CFTR: variants seen among roughly 807,000 people sequenced by gnomAD.
CFTR encodes cystic fibrosis transmembrane conductance regulator.
CFTR carries 181 observed loss-of-function variants against 171.6 expected under a neutral mutation model. The ratio of observed to expected loss-of-function variants is 1.05; its 90% CI spans 0.93 to 1.19. CFTR has a LOEUF of 1.19. Among genes scored for constraint, CFTR ranks in the 50% most tolerant of loss-of-function variants. The pLI is 0.00. For missense variants in CFTR, 1,968 were observed against 1,734.7 expected, an observed-to-expected ratio of 1.13 and a Z score of -2.39; for synonymous variants, 583 against 608.0, an observed-to-expected ratio of 0.96 and a Z score of 0.60.
At chr7:117,581,013 A>G (rs1172317876) in intron 11 of CFTR, among the ~76,000 whole-genome samples, 1 of 152,184 alleles carries the variant, frequency 6.6e-6, no homozygotes, top group Non-Finnish European at 1.5e-5. Flanking sequence ...AAGGTAAAGA[A>G]CTTGTATATC....
chr7:117,645,736 C>G (rs1792988153), intron 23 of CFTR, among the ~76,000 whole-genome samples: 1 of 152,090 alleles, frequency 6.6e-6, no homozygotes, highest in Non-Finnish European at 1.5e-5. Flanking sequence ...GGATTTGGAG[C>G]CTTGTTTATA....
rs150011644 is a variant in CFTR, at chr7:117,524,212, G to A, written c.274-6687G>A. Among the ~76,000 whole-genome samples, 23 of 152,144 alleles carry A rather than the reference G, an allele frequency of 1.5e-4. No homozygotes were observed. In the East Asian group the frequency reaches 3.3e-3, roughly 22 times the overall value. On this transcript the variant is annotated intron_variant, in intron 3 of 26. Transcript: ENST00000003084. Reference sequence around the variant, plus strand: ...AGTGTTCACAGGTCATACCTTTCCCGTTACTGTCTTACAGTGAACAAGAAA... The same window carrying A: ...AGTGTTCACAGGTCATACCTTTCCCATTACTGTCTTACAGTGAACAAGAAA...
intron 25 of CFTR, among the ~76,000 whole-genome samples, 193 bp downstream of exon 25, chr7:117,665,053 A>AAG (rs140555484): frequency 7.2e-4 from 109 of 152,304 alleles, no homozygotes; most frequent in Non-Finnish European, 1.3e-3. Flanking sequence ...TTTTCTTCCG[A>AAG]AGATAGTTTT....
In CFTR at chr7:117,542,068, C is replaced by T. The variant is rs1239388236; in HGVS notation, c.1169C>T (p.Thr390Ile). The part of the protein sequence containing the change: ...YKTLEYNLTT[T>I]EVVMENVTAF... ...ACATTGGAATATAACTTAACGACTA[C>T]AGAAGTAGTGATGGAGAATGTAACA... Residue 390 changes from threonine to isoleucine, a missense_variant, in exon 9 of 27, where the codon ACA becomes ATA. Physicochemically the swap from Thr to Ile is moderately conservative, Grantham distance 89. Coordinates refer to ENST00000003084, the MANE Select transcript of CFTR (RefSeq NM_000492.4). 6.2e-7 allele frequency: 1 copy of T among 1,603,480 alleles called. No homozygotes were observed. The highest frequency in any genetic ancestry group is 1.1e-5 in the South Asian group (1 of 90,826).
chr7:117,644,602 CT>C (rs1792971208), intron 23 of CFTR, among the ~76,000 whole-genome samples: 1 of 152,110 alleles, frequency 6.6e-6, no homozygotes, highest in South Asian at 2.1e-4. Context: ...GAAACAGGAA[CT>C]TTGAACAAGA....
intron 21 of CFTR, among the ~76,000 whole-genome samples, chr7:117,616,519 A>C (rs192716202): frequency 8.5e-5 from 13 of 152,184 alleles, no homozygotes; most frequent in Admixed American, 2.6e-4. Context: ...TTGCTGTATT[A>C]ATTTTCTTGG....
intron 11 of CFTR, among the ~76,000 whole-genome samples, chr7:117,587,284 G>A (rs1328604268): frequency 6.6e-6 from 1 of 152,106 alleles, no homozygotes; most frequent in Non-Finnish European, 1.5e-5. Context: ...AGATCCTGCA[G>A]GGGTGTGAAT....
chr7:117,606,028 A>T (rs1792295727), intron 17 of CFTR, among the ~76,000 whole-genome samples: 1 of 152,212 alleles, frequency 6.6e-6, no homozygotes, highest in South Asian at 2.1e-4. Flanking sequence ...TTCAGTGCCT[A>T]GCATTGTGCC....
At chr7:117,578,853 TTC>T (rs1791811192) in intron 11 of CFTR, among the ~76,000 whole-genome samples, 1 of 152,074 alleles carries the variant, frequency 6.6e-6, no homozygotes, top group African/African-American at 2.4e-5. Flanking sequence ...ATATCTAAAT[TTC>T]TGTTAAAAAT....
chr7:117,653,625 G>A (rs550026637), intron 24 of CFTR, among the ~76,000 whole-genome samples: 2 of 151,916 alleles, frequency 1.3e-5, no homozygotes, highest in Non-Finnish European at 1.5e-5. Flanking sequence ...AGGAGGTGGC[G>A]GGGGGGACAC....
intron 4 of CFTR, among the ~76,000 whole-genome samples, chr7:117,532,719 G>A (rs1009868269): frequency 2.0e-5 from 3 of 152,066 alleles, no homozygotes; most frequent in Non-Finnish European, 4.4e-5. Flanking sequence ...AAAGTTAGGT[G>A]GTATTGTATC....
At chr7:117,496,868 C>G (rs561983893) in intron 1 of CFTR, among the ~76,000 whole-genome samples, 1 of 151,928 alleles carries the variant, frequency 6.6e-6, no homozygotes, top group South Asian at 2.1e-4. Context: ...TACAGCCATC[C>G]TACTGGGCAT....
intron 18 of CFTR, among the ~76,000 whole-genome samples, chr7:117,608,698 G>T (rs545720594): frequency 6.6e-6 from 1 of 151,906 alleles, no homozygotes; most frequent in African/African-American, 2.4e-5. Context: ...TAATCACAGG[G>T]GTCCTTCAAA....
At chr7:117,514,081 A>G (rs971555049) in intron 3 of CFTR, among the ~76,000 whole-genome samples, 1 of 152,242 alleles carries the variant, frequency 6.6e-6, no homozygotes, top group African/African-American at 2.4e-5. Flanking sequence ...GTAGACAGGC[A>G]TCAGCATGAT....
intron 3 of CFTR, among the ~76,000 whole-genome samples, chr7:117,512,355 C>T (rs35915869): frequency 0.037 from 5,648 of 151,986 alleles, 145 homozygotes; most frequent in African/African-American, 0.045. Flanking sequence ...AGTCCGGGCA[C>T]GGGGGCTCAC....
Position 117,606,772 on chromosome 7 carries a change from C to A in CFTR, c.2988+19C>A. 7.8e-7 allele frequency: 1 copy of A among 1,279,158 alleles called. No individual in the cohort carries two copies. The highest frequency in any genetic ancestry group is 1.1e-6 in the Non-Finnish European group (1 of 875,420). The allele number at this position is 1,279,158 out of a possible 1,614,324, so 79.2% of individuals were successfully genotyped here. ...CATCCAGGTATGTAAAAATAAGTACCGTTAAGTATGTCTGTATTATTAAAA... is the reference window on the plus strand; with the variant it reads ...CATCCAGGTATGTAAAAATAAGTACAGTTAAGTATGTCTGTATTATTAAAA... On this transcript the variant is annotated intron_variant, in intron 18 of 26. Transcript: ENST00000003084.
chr7:117,522,963 G>C (rs897477645), intron 3 of CFTR, among the ~76,000 whole-genome samples: 1 of 152,154 alleles, frequency 6.6e-6, no homozygotes. Flanking sequence ...GTCCTTGAAT[G>C]GTAACAGCTC....
intron 24 of CFTR, 120 bp from the exon 25 acceptor site, chr7:117,664,568 G>A (rs1793337194): frequency 5.7e-6 from 5 of 875,172 alleles, no homozygotes; most frequent in Admixed American, 1.8e-5. Flanking sequence ...GCAGGTAGTG[G>A]GGGTAGAGGG....
intron 21 of CFTR, among the ~76,000 whole-genome samples, chr7:117,619,613 T>C (rs933055293): frequency 9.2e-5 from 14 of 151,428 alleles, no homozygotes; most frequent in African/African-American, 3.4e-4. Flanking sequence ...TGATGCCTAA[T>C]TCTGAGCATG....
Sources: allele counts gnomAD v4.1 joint callset (sites outside exome capture counted in the v4.1 genomes callset), GRCh38; gene constraint gnomAD v4.1.1; transcripts MANE v1.5; gene names NCBI Gene and HGNC (gene_info 2026-07-23, HGNC 2026-07-21).